Variants in FHIT observed in about 807,000 individuals in gnomAD.
The protein encoded by FHIT is fragile histidine triad diadenosine triphosphatase.
FHIT carries 19 observed loss-of-function variants against 17.9 expected under a neutral mutation model. That is an observed-to-expected ratio of 1.06 (90% CI 0.74 to 1.56). The LOEUF is 1.56. Among genes scored for constraint, FHIT ranks in the 40% most tolerant of loss-of-function variants. The pLI, the probability that FHIT is intolerant of heterozygous loss-of-function variation, is 0.00. For synonymous variants in FHIT, 81 were observed against 69.7 expected (o/e 1.16, Z -0.81); for missense variants, 248 against 189.2 (o/e 1.31, Z -1.82).
intron 5 of FHIT, among the ~76,000 whole-genome samples, chr3:60,152,982 G>A (rs1223258865): frequency 6.6e-6 from 1 of 152,154 alleles, no homozygotes; most frequent in East Asian, 1.9e-4. Context: ...CATGCAGTGT[G>A]ATGAAGAAAT....
chr3:60,445,089 A>G (rs926000996), intron 5 of FHIT, among the ~76,000 whole-genome samples: 2 of 152,074 alleles, frequency 1.3e-5, no homozygotes, highest in Admixed American at 6.6e-5. Context: ...CTCCATGTGG[A>G]TTACCATAAG....
At chr3:59,805,284 A>G (rs1700152550) in intron 8 of FHIT, among the ~76,000 whole-genome samples, 1 of 152,204 alleles carries the variant, frequency 6.6e-6, no homozygotes, top group Non-Finnish European at 1.5e-5. Context: ...ATTAAAGGCA[A>G]TTTAATGCAA....
chr3:60,658,595 A>T (rs1193191303), intron 4 of FHIT, among the ~76,000 whole-genome samples: 3 of 152,152 alleles, frequency 2.0e-5, no homozygotes, highest in African/African-American at 7.2e-5. Context: ...TAAATTATTG[A>T]TGACAAAAAA....
At chr3:60,630,719 T>C (rs1553682195) in intron 4 of FHIT, among the ~76,000 whole-genome samples, 2 of 152,080 alleles carry the variant, frequency 1.3e-5, no homozygotes, top group Non-Finnish European at 2.9e-5. Context: ...ATCTAGCTCA[T>C]CTAGTTCTCC....
chr3:60,266,534 TG>T (rs1448294500), intron 5 of FHIT, among the ~76,000 whole-genome samples: 1 of 152,026 alleles, frequency 6.6e-6, no homozygotes, highest in Non-Finnish European at 1.5e-5. Context: ...ACACTTTAAA[TG>T]GGTGAATGGT....
chr3:59,961,939 T>C (rs913349168), intron 7 of FHIT, among the ~76,000 whole-genome samples: 14 of 151,884 alleles, frequency 9.2e-5, no homozygotes, highest in African/African-American at 3.4e-4. Flanking sequence ...GACATGAGAG[T>C]AGTATCCTTC....
At chr3:59,828,207 C>T (rs1559641171) in intron 8 of FHIT, among the ~76,000 whole-genome samples, 1 of 152,124 alleles carries the variant, frequency 6.6e-6, no homozygotes, top group Non-Finnish European at 1.5e-5. Flanking sequence ...GACTGTGATC[C>T]TTTTTTCTAT....
chr3:60,097,891 T>A (rs1175343314), intron 5 of FHIT, among the ~76,000 whole-genome samples: 2 of 120,448 alleles, frequency 1.7e-5, no homozygotes, highest in South Asian at 2.9e-4. Flanking sequence ...CAGGCCCCGG[T>A]GTGTGATGTT....
At chr3:60,063,861 G>A (rs549717413) in intron 5 of FHIT, among the ~76,000 whole-genome samples, 40 of 152,196 alleles carry the variant, frequency 2.6e-4, no homozygotes, top group Admixed American at 2.2e-3. Context: ...GGTTAAACGC[G>A]TTTTGATTTA....
At chr3:61,000,571 T>G (rs535242499) in intron 3 of FHIT, among the ~76,000 whole-genome samples, 1 of 152,164 alleles carries the variant, frequency 6.6e-6, no homozygotes, top group Admixed American at 6.5e-5. Context: ...TTTTCTCTAC[T>G]CCTTCCCTCT....
In FHIT at chr3:60,472,942, G is replaced by A. The variant is rs1202822195; in HGVS notation, c.103+63918C>T. Among the ~76,000 whole-genome samples, 3 of 152,064 alleles carry A rather than the reference G, an allele frequency of 2.0e-5. No homozygotes were observed. The South Asian group carries it at 6.2e-4, about 32-fold the overall frequency. ...ATTCATTTAAGTTTTCTGACAACCTGACATTTATCTCCTTTAGTGCTATAT... is the reference window on the plus strand; with the variant it reads ...ATTCATTTAAGTTTTCTGACAACCTAACATTTATCTCCTTTAGTGCTATAT... On this transcript the variant is annotated intron_variant, in intron 5 of 9. Transcript: ENST00000492590.
intron 8 of FHIT, among the ~76,000 whole-genome samples, chr3:59,757,370 G>T (rs554514239): frequency 6.6e-6 from 1 of 152,268 alleles, no homozygotes; most frequent in African/African-American, 2.4e-5. Flanking sequence ...GCTAGAAATG[G>T]TTTTTGGGGA....
chr3:60,511,230 G>C (rs550301208), intron 5 of FHIT, among the ~76,000 whole-genome samples: 1 of 152,086 alleles, frequency 6.6e-6, no homozygotes, highest in Non-Finnish European at 1.5e-5. Flanking sequence ...AATATGTATC[G>C]TACTGAGAAT....
intron 5 of FHIT, among the ~76,000 whole-genome samples, chr3:60,276,216 G>C (rs1026519310): frequency 2.6e-4 from 39 of 152,078 alleles, no homozygotes; most frequent in Non-Finnish European, 3.4e-4. Context: ...TCGATCTCCT[G>C]ACCTCGTGAT....
chr3:60,000,072 G>A (rs1699669152), intron 7 of FHIT, among the ~76,000 whole-genome samples: 1 of 152,196 alleles, frequency 6.6e-6, no homozygotes, highest in Admixed American at 6.5e-5. Flanking sequence ...TAAGATGGCT[G>A]CTAGAAGCTG....
chr3:60,844,262 A>C (rs1459054228), intron 3 of FHIT, among the ~76,000 whole-genome samples: 2 of 152,168 alleles, frequency 1.3e-5, no homozygotes, highest in Admixed American at 6.5e-5. Flanking sequence ...GAAAAGCAGA[A>C]GTAGTAAGTT....
At chr3:60,150,473 C>T (rs1256850808) in intron 5 of FHIT, among the ~76,000 whole-genome samples, 2 of 152,108 alleles carry the variant, frequency 1.3e-5, no homozygotes, top group Admixed American at 1.3e-4. Flanking sequence ...GCTTTGGTTA[C>T]TTTTTGATAC....
At chr3:60,766,080 G>A (rs1699843794) in intron 4 of FHIT, among the ~76,000 whole-genome samples, 1 of 152,050 alleles carries the variant, frequency 6.6e-6, no homozygotes, top group Non-Finnish European at 1.5e-5. Context: ...AGCCTATCCT[G>A]GGACTTTGCC....
chr3:60,086,811 T>C (rs763753611), intron 5 of FHIT, among the ~76,000 whole-genome samples: 1 of 152,202 alleles, frequency 6.6e-6, no homozygotes, highest in Non-Finnish European at 1.5e-5. Context: ...CTTTCCTTGG[T>C]TGGAGTTGAA....
Sources: gnomAD v4.1 joint callset for allele counts (sites outside exome capture counted in the v4.1 genomes callset) on GRCh38, gnomAD v4.1.1 for gene constraint, MANE v1.5 for transcripts, NCBI Gene and HGNC (gene_info 2026-07-23, HGNC 2026-07-21) for gene names.